Variants in BLK observed in about 807,000 individuals in gnomAD.
BLK encodes BLK proto-oncogene, Src family tyrosine kinase.
In BLK, 64 loss-of-function variants were observed where a neutral mutation model predicts 61.8. That is an observed-to-expected ratio of 1.03 (90% CI 0.85 to 1.27). The LOEUF (loss-of-function observed/expected upper bound fraction) is 1.27, where lower values mean the gene tolerates loss of function less well. BLK is among the 50% of genes most tolerant of loss of function. The probability of loss-of-function intolerance (pLI) is 0.00; values close to 1 mark genes in which losing one functional copy is unlikely to be tolerated. For missense variants in BLK, 853 were observed against 660.5 expected, an observed-to-expected ratio of 1.29 and a Z score of -3.19; for synonymous variants, 351 against 272.0, an observed-to-expected ratio of 1.29 and a Z score of -2.86.
rs376047614 is a variant in BLK, at chr8:11,562,474, C to T, written c.1181-505C>T. The stretch of plus-strand genomic sequence containing the variant: ...CCTGAGGTCTGCTCCAAATGCTGGC[C>T]GGGGCTGCAGCCATTGAGGTGCTTC... On this transcript the variant is annotated intron_variant, in intron 11 of 12. Coordinates refer to ENST00000259089, the MANE Select transcript of BLK (RefSeq NM_001715.3). Among the ~76,000 whole-genome samples, 272 of 152,216 alleles carry T rather than the reference C, an allele frequency of 1.8e-3. 8 individuals carry two copies. The South Asian group carries it at 0.049, about 27-fold the overall frequency.
At chr8:11,537,137 G>C (rs1377803863) in intron 1 of BLK, among the ~76,000 whole-genome samples, 1 of 152,206 alleles carries the variant, frequency 6.6e-6, no homozygotes, top group Non-Finnish European at 1.5e-5. Context: ...CAGTGGTGTT[G>C]TCCTGAGTTG....
At chr8:11,548,977 G>A in intron 4 of BLK, 47 bp from the exon 5 acceptor site, 1 of 1,520,046 alleles carries the variant, frequency 6.6e-7, no homozygotes, top group Non-Finnish European at 9.0e-7. Context: ...CCAGTGACGG[G>A]CCTACAGGGG....
intron 1 of BLK, among the ~76,000 whole-genome samples, chr8:11,499,947 T>A (rs1798494816): frequency 1.3e-5 from 2 of 152,158 alleles, no homozygotes; most frequent in Admixed American, 1.3e-4. Context: ...ATAAGCGGTC[T>A]CAAATCTTTT....
rs1488256014 is a variant in BLK at position 11,535,306 on chromosome 8, AAGAAAGAAAGAAAGAAAG to A, written c.-1-7913_-1-7896del. 7.6e-3 allele frequency among the ~76,000 whole-genome samples: 1,113 copies of A among 145,978 alleles called. 11 individuals are homozygous for A. Among genetic ancestry groups the A allele is most frequent in the South Asian group, 0.03 (129 of 4,244 alleles). On this transcript the variant is annotated intron_variant, in intron 1 of 12. Coordinates refer to ENST00000259089, the MANE Select transcript of BLK (RefSeq NM_001715.3). Reference sequence around the variant, plus strand: ...AAAGAAAGAAAGAAAGAAAGAAAGAAAGAAAGAAAGAAAGAAAGAGAAGGAAAAGGGAAGGGAAGGAAG... The same window carrying A: ...AAAGAAAGAAAGAAAGAAAGAAAGAAAGAAGGAAAAGGGAAGGGAAGGAAG...
intron 1 of BLK, among the ~76,000 whole-genome samples, chr8:11,496,218 T>C (rs1798353280): frequency 6.6e-6 from 1 of 152,090 alleles, no homozygotes; most frequent in Non-Finnish European, 1.5e-5. Context: ...CAATGGGTTT[T>C]GTGGGGGTTG....
At chr8:11,557,371 T>C (rs1801285031) in intron 9 of BLK, among the ~76,000 whole-genome samples, 1 of 152,158 alleles carries the variant, frequency 6.6e-6, no homozygotes, top group Non-Finnish European at 1.5e-5. Context: ...AACATGCCCA[T>C]GTTGATATAG....
At chr8:11,558,239 CA>C (rs925505594) in intron 10 of BLK, among the ~76,000 whole-genome samples, 75 of 152,336 alleles carry the variant, frequency 4.9e-4, no homozygotes, top group African/African-American at 1.8e-3. Flanking sequence ...CCTCCTGCCC[CA>C]CGCAGCTGTG....
Position 11,503,797 on chromosome 8 carries a change from G to T in BLK, c.-2+9206G>T, listed in dbSNP as rs149563516. Among the ~76,000 whole-genome samples the T allele has an allele frequency of 9.1e-4, 138 of 152,218 alleles. 1 individual carries two copies. The highest frequency in any genetic ancestry group is 3.2e-3 in the African/African-American group (133 of 41,522). On this transcript the variant is annotated intron_variant, in intron 1 of 12. Transcript: ENST00000259089. ...GGGCCTCACCTCTGCTGAGGCTGCT[G>T]GCTGCCCTGGGCTCGCAGTGAAAGG...
intron 1 of BLK, among the ~76,000 whole-genome samples, chr8:11,526,189 T>A (rs1219997198): frequency 6.6e-6 from 1 of 152,240 alleles, no homozygotes; most frequent in Non-Finnish European, 1.5e-5. Flanking sequence ...TCATGCTGTC[T>A]CTTTTCTTAC....
At chr8:11,552,730 C>T (rs1472900741) in intron 6 of BLK, 1 of 152,148 alleles carries the variant, frequency 6.6e-6, no homozygotes, top group Non-Finnish European at 1.5e-5. Flanking sequence ...GTGAAAGCCT[C>T]CCCACCCCCT....
rs113132383 is a variant in BLK, at chr8:11,548,488, T to C, written c.269+363T>C. Among the ~76,000 whole-genome samples the C allele has an allele frequency of 3.5e-3, 537 of 152,254 alleles. 6 individuals carry two copies. The highest frequency in any genetic ancestry group is 0.022 in the South Asian group (105 of 4,822). On this transcript the variant is annotated intron_variant, in intron 4 of 12. Transcript: ENST00000259089. The stretch of plus-strand genomic sequence containing the variant: ...CCAGTTGTGTCCATATTTGTCTCCT[T>C]TTCAAGACAGGAGCCCACACTGATG...
At chr8:11,562,877 G>A (rs1376107014) in intron 11 of BLK, 102 bp from the exon 12 acceptor site, 4 of 1,548,526 alleles carry the variant, frequency 2.6e-6, no homozygotes, top group Non-Finnish European at 2.6e-6. Flanking sequence ...GCCCCGCAGT[G>A]GGGGCTTGAT....
chr8:11,547,196 C>T (rs1245270819), intron 3 of BLK, among the ~76,000 whole-genome samples: 5 of 152,392 alleles, frequency 3.3e-5, no homozygotes, highest in African/African-American at 9.6e-5. Flanking sequence ...CAGAATCTGT[C>T]ACACTTGTGA....
At chr8:11,550,125 G>T (rs753053621) in intron 5 of BLK, 34 bp from the exon 6 acceptor site, 3 of 1,576,758 alleles carry the variant, frequency 1.9e-6, no homozygotes, top group Non-Finnish European at 2.6e-6. Flanking sequence ...GAGCAGGGTC[G>T]CTCTGAGTTT....
intron 2 of BLK, among the ~76,000 whole-genome samples, chr8:11,544,260 G>C (rs773126677): frequency 1.2e-4 from 19 of 152,092 alleles, no homozygotes; most frequent in Non-Finnish European, 2.2e-4. Flanking sequence ...CATCCGTGCC[G>C]GGCCTGAAGA....
intron 10 of BLK, chr8:11,560,031 G>T (rs56192135): frequency 1.4e-5 from 5 of 352,772 alleles, no homozygotes; most frequent in Non-Finnish European, 2.8e-5. Context: ...ATGCTGCCCA[G>T]ATATATTTAG....
chr8:11,540,103 G>T (rs1171453326), intron 1 of BLK, among the ~76,000 whole-genome samples: 2 of 151,866 alleles, frequency 1.3e-5, no homozygotes, highest in African/African-American at 2.4e-5. Flanking sequence ...TTTGTTAGTA[G>T]TTGTCTCCAA....
At chr8:11,528,884 A>T (rs759691524) in intron 1 of BLK, among the ~76,000 whole-genome samples, 4 of 152,166 alleles carry the variant, frequency 2.6e-5, no homozygotes, top group Non-Finnish European at 5.9e-5. Context: ...CTCAATTATA[A>T]GTGGGAGCTG....
At position 11,548,105 on chromosome 8, in the gene BLK, G is replaced by A. The variant is rs1300520620; in HGVS notation, c.249G>A (p.Glu83=). The A allele has an allele frequency of 6.2e-7, 1 of 1,613,558 alleles. No homozygotes were observed. The highest frequency in any genetic ancestry group is 2.2e-5 in the East Asian group (1 of 44,876). Residue 83 remains glutamate (E), a synonymous_variant, in exon 4 of 13, where the codon GAG becomes GAA. Transcript: ENST00000259089. ...NDRDLQMLKG[E]KLQVLKGTGD... ...GGGACCTGCAGATGCTGAAGGGGGA[G>A]AAGCTACAGGTCCTGAAGGGGTGAG...
Sources: gnomAD v4.1 joint callset for allele counts (sites outside exome capture counted in the v4.1 genomes callset) on GRCh38, gnomAD v4.1.1 for gene constraint, MANE v1.5 for transcripts, NCBI Gene and HGNC (gene_info 2026-07-23, HGNC 2026-07-21) for gene names.